The following PPP3CB variants were observed in gnomAD, a reference collection of about 807,000 sequenced individuals.
PPP3CB encodes the protein serine/threonine-protein phosphatase 2B catalytic subunit beta isoform.
In PPP3CB, 8 loss-of-function variants were observed where a neutral mutation model predicts 66.4. The ratio of observed to expected loss-of-function variants is 0.12; its 90% CI spans 0.07 to 0.22. PPP3CB has a LOEUF of 0.22. Ranked by LOEUF, PPP3CB falls within the 10% of genes least tolerant of loss-of-function variation. The probability of loss-of-function intolerance (pLI) is 1.00; values close to 1 mark genes in which losing one functional copy is unlikely to be tolerated. For missense variants in PPP3CB, 319 were observed against 642.5 expected (o/e 0.50, Z 5.44); for synonymous variants, 208 against 221.2 (o/e 0.94, Z 0.53).
intron 3 of PPP3CB, 149 bp from the exon 4 acceptor site, chr10:73,475,179 A>T: frequency 8.6e-7 from 1 of 1,160,222 alleles, no homozygotes; most frequent in Non-Finnish European, 1.1e-6. Context: ...AAAATCACAG[A>T]TTTTGTCATC....
In PPP3CB at chr10:73,446,564, G is replaced by A. The variant is rs1354218930; in HGVS notation, c.1196C>T (p.Ala399Val). 1 of 1,613,662 alleles carries A rather than the reference G, an allele frequency of 6.2e-7. No homozygotes were observed. Among genetic ancestry groups the A allele is most frequent in the Non-Finnish European group, 8.5e-7 (1 of 1,179,648 alleles). Residue 399 changes from alanine to valine, a missense_variant, in exon 11 of 14, where the codon GCA (alanine) becomes GTA (valine). Ala to Val is a moderately conservative substitution (Grantham distance 64). Transcript: ENST00000360663. ...EGEDQFDGSA[A>V]ARKEIIRNKI... ...GTTTCTTATGATTTCTTTCCGGGCTGCAGCTGAACCTACTTTCAATGGAAT... is the reference window on the plus strand; with the variant it reads ...GTTTCTTATGATTTCTTTCCGGGCTACAGCTGAACCTACTTTCAATGGAAT...
rs1042746700 is a variant in PPP3CB at position 73,481,165 on chromosome 10, CTTTTTTTTTTTT to C, written c.86-1660_86-1649del. 1.9e-3 allele frequency among the ~76,000 whole-genome samples: 251 copies of C among 129,068 alleles called. 1 individual carries two copies. The highest frequency in any genetic ancestry group is 6.8e-3 in the African/African-American group (242 of 35,652). 84.7% of individuals were successfully genotyped at this position (129,068 alleles called of 152,430 possible). A position where few individuals can be genotyped will look rare whatever the true frequency, so the allele number is the denominator to read the frequency against. Reference sequence around the variant, plus strand: ...GCTCCCTCTTTCCAGATTTTTTTTTCTTTTTTTTTTTTTTTTTAGAAAAATAGGCCGGGTGCA... The same window carrying C: ...GCTCCCTCTTTCCAGATTTTTTTTTCTTTTTAGAAAAATAGGCCGGGTGCA... On this transcript the variant is annotated intron_variant, in intron 1 of 13. Transcript: ENST00000360663.
intron 1 of PPP3CB, among the ~76,000 whole-genome samples, chr10:73,483,625 C>G (rs1386707956): frequency 6.6e-6 from 1 of 151,936 alleles, no homozygotes; most frequent in East Asian, 1.9e-4. Flanking sequence ...CCAGTGCATT[C>G]CAGCCTGGGA....
intron 1 of PPP3CB, 114 bp downstream of exon 1, chr10:73,495,691 A>G: frequency 7.0e-7 from 1 of 1,425,272 alleles, no homozygotes; most frequent in Non-Finnish European, 9.3e-7. Context: ...CAAGGGAGGC[A>G]GCCAGTCACT....
chr10:73,464,784 T>C (rs1374520964), intron 9 of PPP3CB, among the ~76,000 whole-genome samples: 1 of 151,928 alleles, frequency 6.6e-6, no homozygotes, highest in Non-Finnish European at 1.5e-5. Context: ...ATACAAAAAT[T>C]AGCCAGGTGT....
rs903948557 is a variant in PPP3CB, at chr10:73,476,024, GTTTT to G, written c.412-998_412-995del. ...GGCACATGCCACCAGGCCCAGCTAAGTTTTTTTTTTTTTTTTTGTGGAGACAGGG... is the reference window on the plus strand; with the variant it reads ...GGCACATGCCACCAGGCCCAGCTAAGTTTTTTTTTTTTTGTGGAGACAGGG... On this transcript the variant is annotated intron_variant, in intron 3 of 13. Coordinates refer to ENST00000360663, the MANE Select transcript of PPP3CB (RefSeq NM_021132.4). Among the ~76,000 whole-genome samples the G allele has an allele frequency of 2.2e-5, 3 of 137,514 alleles. No individual in the cohort carries two copies. In the Admixed American group the frequency reaches 2.2e-4, roughly 10 times the overall value. 90.2% of individuals were successfully genotyped at this position (137,514 alleles called of 152,430 possible).
At chr10:73,462,086 A>T (rs2056530621) in intron 9 of PPP3CB, among the ~76,000 whole-genome samples, 1 of 146,662 alleles carries the variant, frequency 6.8e-6, no homozygotes, top group Non-Finnish European at 1.5e-5. Flanking sequence ...AGCCGAGGAG[A>T]TGCAGGTGCT....
At chr10:73,491,823 C>T (rs12250043) in intron 1 of PPP3CB, among the ~76,000 whole-genome samples, 6,132 of 152,006 alleles carry the variant, frequency 0.04, 417 homozygotes, top group African/African-American at 0.14. Flanking sequence ...CAAAATTAGC[C>T]GGGCGTGGTG....
At chr10:73,443,250 AAGAGAGAG>A (rs60288220) in intron 12 of PPP3CB, among the ~76,000 whole-genome samples, 2 of 136,116 alleles carry the variant, frequency 1.5e-5, no homozygotes, top group African/African-American at 3.0e-5. Flanking sequence ...GAGAGAGAGA[AAGAGAGAG>A]AGAGAGAGAG....
intron 4 of PPP3CB, among the ~76,000 whole-genome samples, chr10:73,474,336 T>C (rs1001332468): frequency 6.7e-6 from 1 of 149,938 alleles, no homozygotes; most frequent in Admixed American, 6.7e-5. Context: ...CTACCGTGCC[T>C]GGCTTAGAAA....
chr10:73,495,217 A>G (rs1356071893), intron 1 of PPP3CB, among the ~76,000 whole-genome samples: 1 of 152,030 alleles, frequency 6.6e-6, no homozygotes, highest in Non-Finnish European at 1.5e-5. Context: ...TGGCCTTCCA[A>G]TTCCTGCCCC....
At chr10:73,440,400 T>C (rs984668455) in intron 12 of PPP3CB, among the ~76,000 whole-genome samples, 3 of 152,100 alleles carry the variant, frequency 2.0e-5, no homozygotes, top group Non-Finnish European at 4.4e-5. Flanking sequence ...CTAGAAGGGG[T>C]CAGCAATGCT....
chr10:73,475,674 G>A (rs1644971548), intron 3 of PPP3CB, among the ~76,000 whole-genome samples: 1 of 152,030 alleles, frequency 6.6e-6, no homozygotes, highest in Admixed American at 6.5e-5. Context: ...CTTATTATCT[G>A]AACTAATTCA....
At chr10:73,455,694 G>A (rs955468942) in intron 9 of PPP3CB, among the ~76,000 whole-genome samples, 50 of 152,186 alleles carry the variant, frequency 3.3e-4, no homozygotes, top group African/African-American at 1.2e-3. Context: ...TCAGCCTTTT[G>A]AGTAGCTGGG....
At chr10:73,479,231 A>G in intron 2 of PPP3CB, 86 bp downstream of exon 2, 1 of 1,155,862 alleles carries the variant, frequency 8.7e-7, no homozygotes, top group Non-Finnish European at 1.3e-6. Context: ...TTTAGCATAC[A>G]GTATCATTGA....
chr10:73,458,118 A>C (rs2056459888), intron 9 of PPP3CB, among the ~76,000 whole-genome samples: 1 of 152,184 alleles, frequency 6.6e-6, no homozygotes, highest in African/African-American at 2.4e-5. Flanking sequence ...TCATAAATTT[A>C]TATAGACAAC....
intron 12 of PPP3CB, among the ~76,000 whole-genome samples, chr10:73,441,436 C>G (rs923381316): frequency 3.9e-5 from 6 of 152,118 alleles, no homozygotes; most frequent in Non-Finnish European, 7.4e-5. Flanking sequence ...TCATCTCCCC[C>G]CAAAAAAAGT....
intron 4 of PPP3CB, among the ~76,000 whole-genome samples, chr10:73,473,380 G>A (rs1431203023): frequency 2.0e-5 from 3 of 152,092 alleles, no homozygotes; most frequent in African/African-American, 7.2e-5. Flanking sequence ...CAGGCCAGAT[G>A]CGGTGGTTCA....
intron 10 of PPP3CB, among the ~76,000 whole-genome samples, chr10:73,448,201 T>A (rs2056289953): frequency 6.6e-6 from 1 of 152,152 alleles, no homozygotes; most frequent in Admixed American, 6.5e-5. Context: ...AATTTCTATA[T>A]CTATAAAACC....
Sources: gnomAD v4.1 joint callset for allele counts (sites outside exome capture counted in the v4.1 genomes callset) on GRCh38, gnomAD v4.1.1 for gene constraint, MANE v1.5 for transcripts, NCBI Gene and HGNC (gene_info 2026-07-23, HGNC 2026-07-21) for gene names.